Variants in PLXNA4 observed in about 807,000 individuals in gnomAD.
The protein encoded by PLXNA4 is plexin-A4.
PLXNA4 carries 44 observed loss-of-function variants against 191.8 expected under a neutral mutation model. The ratio of observed to expected loss-of-function variants is 0.23; its 90% confidence interval spans 0.18 to 0.29. PLXNA4 has a LOEUF of 0.29. Ranked by LOEUF, PLXNA4 falls within the 10% of genes least tolerant of loss-of-function variation. The pLI is 1.00. For synonymous variants in PLXNA4, 1,082 were observed against 1,009.5 expected (o/e 1.07, Z -1.36); for missense variants, 1,800 against 2,488.8 (o/e 0.72, Z 5.89).
intron 2 of PLXNA4, among the ~76,000 whole-genome samples, chr7:132,583,031 A>C (rs1802434904): frequency 6.6e-6 from 1 of 152,232 alleles, no homozygotes; most frequent in South Asian, 2.1e-4. Flanking sequence ...GAGGCTTGAA[A>C]GCATCCACAA....
chr7:132,336,281 C>G (rs958530806), intron 3 of PLXNA4, among the ~76,000 whole-genome samples: 1 of 152,150 alleles, frequency 6.6e-6, no homozygotes, highest in African/African-American at 2.4e-5. Context: ...TGGCTTAACT[C>G]CCATTGAGCT....
chr7:132,341,267 G>T (rs1261851784), intron 3 of PLXNA4, among the ~76,000 whole-genome samples: 1 of 152,096 alleles, frequency 6.6e-6, no homozygotes, highest in Admixed American at 6.6e-5. Flanking sequence ...CTTGGGTTTT[G>T]CAGCCTTTAA....
At chr7:132,554,987 G>A (rs1203160013) in intron 1 of PLXNA4, among the ~76,000 whole-genome samples, 1 of 144,626 alleles carries the variant, frequency 6.9e-6, no homozygotes, top group Non-Finnish European at 1.5e-5. Context: ...TTTGAGCCAA[G>A]AGTCTCCTAT....
At chr7:132,309,364 C>T (rs1801641647) in intron 3 of PLXNA4, among the ~76,000 whole-genome samples, 1 of 151,992 alleles carries the variant, frequency 6.6e-6, no homozygotes. Context: ...GATGCAGAGC[C>T]AGTCTTCAAA....
rs140638745 is a variant in PLXNA4 at position 132,256,634 on chromosome 7, G to A, written c.1504-15468C>T. ...AATCAACAGTAGATTCTGTTTTGCTGGATTTAAGATGCTGGTGCCTGGGCC... is the reference window on the plus strand; with the variant it reads ...AATCAACAGTAGATTCTGTTTTGCTAGATTTAAGATGCTGGTGCCTGGGCC... On this transcript the variant is annotated intron_variant, in intron 4 of 31. Coordinates refer to ENST00000321063, the MANE Select transcript of PLXNA4 (RefSeq NM_020911.2). Among the ~76,000 whole-genome samples, 422 of 152,308 alleles carry A rather than the reference G, an allele frequency of 2.8e-3. 2 individuals are homozygous for A. The East Asian group carries it at 0.042, about 15-fold the overall frequency.
chr7:132,507,257 T>C (rs966339037), intron 2 of PLXNA4, among the ~76,000 whole-genome samples: 2 of 152,126 alleles, frequency 1.3e-5, no homozygotes, highest in Non-Finnish European at 2.9e-5. Flanking sequence ...AGTGAGCCAA[T>C]ATGAGGCAGA....
At chr7:132,537,689 G>C (rs1019332651) in intron 1 of PLXNA4, among the ~76,000 whole-genome samples, 1 of 152,328 alleles carries the variant, frequency 6.6e-6, no homozygotes, top group Middle Eastern at 3.4e-3. Flanking sequence ...AGTGAGGAAG[G>C]CCAGACAGGA....
At chr7:132,228,278 G>T (rs1798399603) in intron 6 of PLXNA4, 68 bp downstream of exon 6, 2 of 1,601,364 alleles carry the variant, frequency 1.2e-6, no homozygotes, top group Non-Finnish European at 1.7e-6. Flanking sequence ...TTGGGCTAAG[G>T]CACTTTTTAG....
Position 132,159,603 on chromosome 7 carries a change from G to T in PLXNA4, c.4530C>A (p.Ala1510=). 1.9e-6 allele frequency: 3 copies of T among 1,614,090 alleles called. No individual in the cohort carries two copies. ...TCTTTACTGGGACCTCGGGGCTGTT[G>T]GCATTGTCTGGGCTGACACAGCTCA... is the stretch of plus-strand genomic sequence containing the variant. ...LVLSCVSPDN[A]NSPEVPVKIL... The change falls in exon 25 of 32, where the codon GCC becomes GCA. Residue 1510 remains alanine, a synonymous_variant. Transcript: ENST00000321063.
At position 132,257,695 on chromosome 7, in the gene PLXNA4, T is replaced by C. The variant is rs1201497819; in HGVS notation, c.1504-16529A>G. Among the ~76,000 whole-genome samples, 3 of 152,190 alleles carry C rather than the reference T, an allele frequency of 2.0e-5. No individual in the cohort carries two copies. The East Asian group carries it at 5.8e-4, about 29-fold the overall frequency. ...TAGGACAACCTGACCTTCACAGGGC[T>C]CCCAGGCTGCTAGAACTGAGTGGGC... is the stretch of plus-strand genomic sequence containing the variant. On this transcript the variant is annotated intron_variant, in intron 4 of 31. Transcript: ENST00000321063.
At chr7:132,303,608 G>A (rs1171251248) in intron 3 of PLXNA4, among the ~76,000 whole-genome samples, 1 of 152,148 alleles carries the variant, frequency 6.6e-6, no homozygotes, top group African/African-American at 2.4e-5. Context: ...AGGTCACGAA[G>A]GTACTTTGGT....
At chr7:132,203,741 T>G (rs902151686) in intron 10 of PLXNA4, among the ~76,000 whole-genome samples, 3 of 152,198 alleles carry the variant, frequency 2.0e-5, no homozygotes, top group African/African-American at 7.2e-5. Flanking sequence ...GCAGGAGGCC[T>G]GCTCCCATCC....
chr7:132,403,203 G>A (rs943630166), intron 3 of PLXNA4, among the ~76,000 whole-genome samples: 1 of 152,202 alleles, frequency 6.6e-6, no homozygotes, highest in Admixed American at 6.5e-5. Context: ...AGGCCCTGAC[G>A]CCTGCTATGC....
chr7:132,521,775 T>C (rs1198503750), intron 1 of PLXNA4, among the ~76,000 whole-genome samples: 1 of 152,096 alleles, frequency 6.6e-6, no homozygotes, highest in Non-Finnish European at 1.5e-5. Context: ...GACTGTAAAG[T>C]AGATGTGTCC....
In PLXNA4 at chr7:132,507,628, A is replaced by T; in HGVS notation, c.1066T>A (p.Cys356Ser). Residue 356 changes from cysteine to serine, a missense_variant, in exon 2 of 32, where the codon TGC becomes AGC. By Grantham distance (112) the Cys-to-Ser change is moderately radical (BLOSUM62 -1). Transcript: ENST00000321063. ...TTTATCTGCTTCAAGATGAAGATGC[A>T]CAGGGCCGACTCATCCAGGGATTTC... ...KMKSLDESAL[C>S]IFILKQINDR... 6.2e-7 allele frequency: 1 copy of T among 1,614,238 alleles called. No homozygotes were observed.
chr7:132,289,838 AT>A (rs67691950), intron 4 of PLXNA4, among the ~76,000 whole-genome samples: 2,518 of 147,050 alleles, frequency 0.017, 48 homozygotes, highest in African/African-American at 0.05. Context: ...CAGCTAATTA[AT>A]TTTTTTTTTT....
intron 3 of PLXNA4, among the ~76,000 whole-genome samples, chr7:132,474,800 C>T (rs1797066514): frequency 6.6e-6 from 1 of 152,138 alleles, no homozygotes; most frequent in South Asian, 2.1e-4. Context: ...ATTTGTGAGT[C>T]TGAAGACTCT....
rs1002432987 is a variant in PLXNA4 at position 132,228,438 on chromosome 7, T to C, written c.1636A>G (p.Lys546Glu). The change falls in exon 6 of 32, where the codon AAG becomes GAG. Residue 546 changes from lysine to glutamate, a missense_variant. Physicochemically the swap from Lys to Glu is moderately conservative, Grantham distance 56. Around this residue, in one of 6 missense-constraint regions of PLXNA4, gnomAD observed 1,397 missense variants for 1,880.4 expected, o/e 0.74. Coordinates refer to ENST00000321063, the MANE Select transcript of PLXNA4 (RefSeq NM_020911.2). The part of the protein sequence containing the change: ...CTRKERCERS[K>E]EPRRFASEMK... ...TCCGAGGCAAACCTGCGGGGCTCCT[T>C]GGACCGCTCACACCGCTCCTTCCGG... 4 of 1,614,038 alleles carry C rather than the reference T, an allele frequency of 2.5e-6. No individual in the cohort carries two copies. In the African/African-American group the frequency reaches 5.3e-5, roughly 22 times the overall value.
chr7:132,385,845 G>T (rs1302777745), intron 3 of PLXNA4, among the ~76,000 whole-genome samples: 1 of 152,206 alleles, frequency 6.6e-6, no homozygotes, highest in East Asian at 1.9e-4. Context: ...GCAGCTTAGG[G>T]TCATTCAATA....
Sources: gnomAD v4.1 joint callset for allele counts (sites outside exome capture counted in the v4.1 genomes callset) on GRCh38, gnomAD v4.1.1 for gene constraint, gnomAD v4.1.1 regional missense constraint, MANE v1.5 for transcripts, NCBI Gene and HGNC (gene_info 2026-07-23, HGNC 2026-07-21) for gene names.